Variants in ACTN4 observed in about 807,000 individuals in gnomAD.
ACTN4 encodes actinin alpha 4, also known as alpha-actinin-4.
In ACTN4, 18 loss-of-function variants were observed where a neutral mutation model predicts 114.2. The observed-to-expected ratio is 0.16, with a 90% confidence interval of 0.11 to 0.23. The LOEUF is 0.23. Ranked by LOEUF, ACTN4 falls within the 10% of genes least tolerant of loss-of-function variation. The pLI is 1.00. For missense variants in ACTN4, 722 were observed against 1,262.9 expected (o/e 0.57, Z 6.49); for synonymous variants, 515 against 506.3 (o/e 1.02, Z -0.23).
At chr19:38,701,619 G>C (rs1180233380) in intron 3 of ACTN4, among the ~76,000 whole-genome samples, 1 of 152,172 alleles carries the variant, frequency 6.6e-6, no homozygotes, top group Non-Finnish European at 1.5e-5. Flanking sequence ...TGTGTGCATG[G>C]GCTTGGAGAA....
At position 38,724,097 on chromosome 19, in the gene ACTN4, C is replaced by A. The variant is rs368823440; in HGVS notation, c.1692+20C>A. On this transcript the variant is annotated intron_variant, in intron 14 of 20. Coordinates refer to ENST00000252699, the MANE Select transcript of ACTN4 (RefSeq NM_004924.6). This position sits in a 1 kb window ranked among gnomAD's most constrained non-coding sequence, Gnocchi z 7.0. ...ATTGAGGTTCGCACCCCCCGGCCCC[C>A]CATCTTCCCAAGAGCCTCTGTGGGG... 4.0e-5 allele frequency: 64 copies of A among 1,613,560 alleles called. No homozygotes were observed. Among genetic ancestry groups the A allele is most frequent in the Non-Finnish European group, 5.4e-5 (64 of 1,180,018 alleles).
intron 1 of ACTN4, among the ~76,000 whole-genome samples, chr19:38,673,851 C>G (rs1345578779): frequency 1.5e-5 from 2 of 130,040 alleles, no homozygotes; most frequent in Admixed American, 1.8e-4. Flanking sequence ...AGCGTGATCT[C>G]AGCTCACTGC....
intron 1 of ACTN4, among the ~76,000 whole-genome samples, chr19:38,658,550 C>A (rs1376624785): frequency 6.6e-6 from 1 of 152,174 alleles, no homozygotes; most frequent in African/African-American, 2.4e-5. Context: ...AAATATTAAA[C>A]ACTTTCACAA....
rs149258759 is a variant in ACTN4 at position 38,667,469 on chromosome 19, T to G, written c.162+19562T>G. 3.4e-3 allele frequency among the ~76,000 whole-genome samples: 518 copies of G among 152,294 alleles called. 2 individuals carry two copies. The highest frequency in any genetic ancestry group is 0.012 in the African/African-American group (503 of 41,560). On this transcript the variant is annotated intron_variant, in intron 1 of 20. Coordinates refer to ENST00000252699, the MANE Select transcript of ACTN4 (RefSeq NM_004924.6). ...AGCTGGGTTCAACTTTCCTCGTTTT[T>G]CTAAGTTTAAAAAATCCTCTCTTAC...
At chr19:38,655,068 C>T (rs950581141) in intron 1 of ACTN4, among the ~76,000 whole-genome samples, 2 of 152,106 alleles carry the variant, frequency 1.3e-5, no homozygotes, top group Non-Finnish European at 2.9e-5. Flanking sequence ...CCCCTTCCTT[C>T]GTAAACTGCA....
At chr19:38,654,374 G>A (rs1043627138) in intron 1 of ACTN4, among the ~76,000 whole-genome samples, 2 of 151,832 alleles carry the variant, frequency 1.3e-5, no homozygotes, top group African/African-American at 4.8e-5. Context: ...CCAGCCTGGC[G>A]AACATGGTGA....
chr19:38,709,571 G>A (rs2145029427), intron 7 of ACTN4, 95 bp downstream of exon 7: 5 of 1,105,362 alleles, frequency 4.5e-6, no homozygotes, highest in Non-Finnish European at 6.9e-6. Context: ...GCACATCAGA[G>A]CTTTGGGTCA....
At chr19:38,706,890 G>A (rs549213060) in intron 5 of ACTN4, among the ~76,000 whole-genome samples, 8 of 152,344 alleles carry the variant, frequency 5.3e-5, no homozygotes, top group East Asian at 3.9e-4. Flanking sequence ...CACCATCCCC[G>A]TAGCTGAGGC....
intron 19 of ACTN4, among the ~76,000 whole-genome samples, chr19:38,728,581 C>T (rs573850569): frequency 6.6e-6 from 1 of 152,068 alleles, no homozygotes; most frequent in South Asian, 2.1e-4. Flanking sequence ...CGATGACTTC[C>T]CGAGCCCCCC....
chr19:38,691,852 G>A (rs528556253), intron 1 of ACTN4, among the ~76,000 whole-genome samples: 2 of 152,230 alleles, frequency 1.3e-5, no homozygotes, highest in South Asian at 4.2e-4. Context: ...GCAGTGAGCC[G>A]AGATCATGCC....
intron 1 of ACTN4, among the ~76,000 whole-genome samples, chr19:38,654,131 C>T (rs535030537): frequency 6.6e-6 from 1 of 152,280 alleles, no homozygotes; most frequent in East Asian, 1.9e-4. Context: ...TACTCGGTAT[C>T]CCAGGCATCA....
intron 12 of ACTN4, 96 bp downstream of exon 12, chr19:38,721,784 G>T (rs1251162723): frequency 6.4e-7 from 1 of 1,555,350 alleles, no homozygotes; most frequent in East Asian, 2.3e-5. Flanking sequence ...CTGCCTCAAG[G>T]CCTGGAATAG....
chr19:38,698,245 C>T (rs1968155773), intron 1 of ACTN4, among the ~76,000 whole-genome samples: 1 of 152,164 alleles, frequency 6.6e-6, no homozygotes, highest in Non-Finnish European at 1.5e-5. Context: ...CTTGAGTCCT[C>T]ACACTGCCCG....
chr19:38,723,605 G>A lies in ACTN4; in HGVS notation c.1443-9G>A. On this transcript the variant is annotated splice_polypyrimidine_tract_variant and intron_variant, in intron 12 of 20. Coordinates refer to ENST00000252699, the MANE Select transcript of ACTN4 (RefSeq NM_004924.6). Reference sequence around the variant, plus strand: ...TGCCGAGTCTCATTGCTCTCTGCCCGGCCCGCAGCGAGCTGGATTACTACG... The same window carrying A: ...TGCCGAGTCTCATTGCTCTCTGCCCAGCCCGCAGCGAGCTGGATTACTACG... 6.2e-7 allele frequency: 1 copy of A among 1,601,820 alleles called. No individual in the cohort carries two copies. Among genetic ancestry groups the A allele is most frequent in the Non-Finnish European group, 8.5e-7 (1 of 1,172,602 alleles).
rs1408391507 is a variant in ACTN4 at position 38,730,070 on chromosome 19, GTCTCAGATTT to G, written c.*642_*651del. On this transcript the variant is annotated 3_prime_UTR_variant, in exon 21 of 21. Transcript: ENST00000252699. ...GGCCTTGCTTTGTCTGGCCTCACGT[GTCTCAGATTT>G]TCTAAGAACCAAAAAAAAAAAAGGA... 1 of 134,132 alleles carries G rather than the reference GTCTCAGATTT, an allele frequency of 7.5e-6. No homozygotes were observed. Among genetic ancestry groups the G allele is most frequent in the East Asian group, 2.2e-4 (1 of 4,564 alleles). 8.3% of individuals were successfully genotyped at this position (134,132 alleles called of 1,614,324 possible).
chr19:38,721,845 T>C (rs1969056814), intron 12 of ACTN4, 157 bp downstream of exon 12: 1 of 1,107,502 alleles, frequency 9.0e-7, no homozygotes, highest in Non-Finnish European at 1.3e-6. Flanking sequence ...GGAAGGGCCT[T>C]ATGGGATGAG....
In ACTN4 at chr19:38,714,453, G is replaced by C. The variant is rs752619233; in HGVS notation, c.820-16G>C. Reference sequence around the variant, plus strand: ...GGCCAGCCCCCAGGCAGCCCTGACTGTGTGCTCCCCTCCAGGCTGAAACTG... The same window carrying C: ...GGCCAGCCCCCAGGCAGCCCTGACTCTGTGCTCCCCTCCAGGCTGAAACTG... On this transcript the variant is annotated splice_polypyrimidine_tract_variant and intron_variant, in intron 8 of 20. Transcript: ENST00000252699. 9 of 1,612,880 alleles carry C rather than the reference G, an allele frequency of 5.6e-6. No individual in the cohort carries two copies. In the African/African-American group the frequency reaches 1.1e-4, roughly 19 times the overall value.
intron 8 of ACTN4, among the ~76,000 whole-genome samples, chr19:38,712,950 T>G (rs1968708877): frequency 1.5e-5 from 2 of 135,334 alleles, no homozygotes; most frequent in Non-Finnish European, 3.4e-5. Context: ...GGCTTGTCAC[T>G]GGCCCCTCTC....
At chr19:38,695,062 A>G (rs1968050135) in intron 1 of ACTN4, among the ~76,000 whole-genome samples, 1 of 152,088 alleles carries the variant, frequency 6.6e-6, no homozygotes, top group African/African-American at 2.4e-5. Flanking sequence ...TTTTGTAGAG[A>G]TGGGGTTTTG....
Sources: gnomAD v4.1 joint callset for allele counts (sites outside exome capture counted in the v4.1 genomes callset) on GRCh38, gnomAD v4.1.1 for gene constraint, Gnocchi (gnomAD v3.1) non-coding constraint, MANE v1.5 for transcripts, NCBI Gene and HGNC (gene_info 2026-07-23, HGNC 2026-07-21) for gene names.